The following ZNF528 variants were observed in gnomAD, a reference collection of about 807,000 sequenced individuals.
ZNF528 encodes the protein zinc finger protein 528.
ZNF528 carries 9 observed loss-of-function variants against 13.3 expected under a neutral mutation model. The ratio of observed to expected loss-of-function variants is 0.67; its 90% CI spans 0.41 to 1.18. ZNF528 has a LOEUF of 1.18. Ranked by LOEUF, ZNF528 falls within the 50% of genes most tolerant of loss-of-function variation. The probability of loss-of-function intolerance (pLI) is 0.01; values close to 1 mark genes in which losing one functional copy is unlikely to be tolerated. For synonymous variants in ZNF528, 264 were observed against 254.3 expected (o/e 1.04, Z -0.36); for missense variants, 858 against 745.4 (o/e 1.15, Z -1.76).
rs184579139 is a variant in ZNF528 at position 52,404,633 on chromosome 19, G to A, written c.16-1274G>A. Among the ~76,000 whole-genome samples the A allele has an allele frequency of 3.1e-4, 46 of 147,924 alleles. No individual in the cohort carries two copies. The East Asian group carries it at 8.8e-3, about 28-fold the overall frequency. ...TTGAGTCGGAGTGTCACTCTTGTCT[G>A]TTGCCCAGGCTGGAGTGCAGTGGCA... On this transcript the variant is annotated intron_variant, in intron 4 of 6. Transcript: ENST00000360465.
chr19:52,417,093 A>G lies in ZNF528; in HGVS notation c.*354A>G. 4.1e-6 allele frequency: 1 copy of G among 245,444 alleles called. No homozygotes were observed. The highest frequency in any genetic ancestry group is 6.7e-5 in the South Asian group (1 of 14,926). The allele number at this position is 245,444 out of a possible 1,614,324, so 15.2% of individuals were successfully genotyped here. A position where few individuals can be genotyped will look rare whatever the true frequency, so the allele number is the denominator to read the frequency against. ...ATGACCTGATGTATATCAAAGGTGC[A>G]ACGGCTTGTAAATGACCAGTTTTAT... On this transcript the variant is annotated 3_prime_UTR_variant, in exon 7 of 7. Coordinates refer to ENST00000360465, the MANE Select transcript of ZNF528 (RefSeq NM_032423.3).
At chr19:52,413,456 T>G (rs1881550764) in intron 6 of ZNF528, 1 of 152,230 alleles carries the variant, frequency 6.6e-6, no homozygotes, top group African/African-American at 2.4e-5. Context: ...ACTCCATCGT[T>G]AACTACACTC....
Position 52,398,510 on chromosome 19 carries a change from T to C in ZNF528, c.-246T>C. The C allele has an allele frequency of 1.1e-6, 1 of 926,394 alleles. No homozygotes were observed. Among genetic ancestry groups the C allele is most frequent in the Non-Finnish European group, 1.3e-6 (1 of 776,344 alleles). 57.4% of individuals were successfully genotyped at this position (926,394 alleles called of 1,614,324 possible). A position where few individuals can be genotyped will look rare whatever the true frequency, so the allele number is the denominator to read the frequency against. The stretch of plus-strand genomic sequence containing the variant: ...AAGTGGGCATCTTATTCCAATCCCC[T>C]CCCTGTGAATGTGTGGAGAAAAAGA... On this transcript the variant is annotated 5_prime_UTR_variant, in exon 2 of 7. Transcript: ENST00000360465.
intron 6 of ZNF528, among the ~76,000 whole-genome samples, chr19:52,407,962 C>T (rs2058879528): frequency 6.6e-6 from 1 of 151,866 alleles, no homozygotes; most frequent in African/African-American, 2.4e-5. Flanking sequence ...ATTAGCCCTT[C>T]CTTAGCCTGC....
At chr19:52,406,798 A>T (rs2058862308) in intron 6 of ZNF528, 155 bp downstream of exon 6, 1 of 1,022,932 alleles carries the variant, frequency 9.8e-7, no homozygotes, top group Admixed American at 3.2e-5. Context: ...CGCTCTTCCA[A>T]AGTGTTGGGA....
rs780089488 is a variant in ZNF528, at chr19:52,415,724, A to T, written c.872A>T (p.His291Leu). 5 of 1,614,190 alleles carry T rather than the reference A, an allele frequency of 3.1e-6. No individual in the cohort carries two copies. The highest frequency in any genetic ancestry group is 1.6e-4 in the Middle Eastern group (1 of 6,062). ...SSKLAQHQRI[H>L]TGEKPYKCHE... is the part of the protein sequence containing the mutation. The stretch of plus-strand genomic sequence containing the variant: ...AAGCTTGCACAACATCAAAGAATTC[A>T]TACTGGAGAGAAGCCTTACAAATGT... Residue 291 changes from histidine (H) to leucine (L), a missense_variant, in exon 7 of 7, where the codon CAT becomes CTT. Physicochemically the swap from His to Leu is moderately conservative, Grantham distance 99. Transcript: ENST00000360465.
Position 52,418,048 on chromosome 19 carries a change from G to C in ZNF528, c.*1309G>C, listed in dbSNP as rs918543776. On this transcript the variant is annotated 3_prime_UTR_variant, in exon 7 of 7. Transcript: ENST00000360465. ...CACCCAGGCTGTAGTGCGGTGGCGCGATCTCGGCTCACTGCAACCTCCGCC... is the reference window on the plus strand; with the variant it reads ...CACCCAGGCTGTAGTGCGGTGGCGCCATCTCGGCTCACTGCAACCTCCGCC... The C allele has an allele frequency of 2.0e-5, 3 of 152,140 alleles. No homozygotes were observed. Among genetic ancestry groups the C allele is most frequent in the Non-Finnish European group, 4.4e-5 (3 of 68,222 alleles). 9.4% of individuals were successfully genotyped at this position (152,140 alleles called of 1,614,324 possible).
chr19:52,399,784 C>T (rs1006699126), intron 2 of ZNF528, among the ~76,000 whole-genome samples: 3 of 152,128 alleles, frequency 2.0e-5, no homozygotes, highest in African/African-American at 7.2e-5. Context: ...AATGCCTCAT[C>T]TCTGGTCACC....
intron 4 of ZNF528, among the ~76,000 whole-genome samples, chr19:52,404,995 A>T (rs1185161739): frequency 6.6e-6 from 1 of 151,818 alleles, no homozygotes; most frequent in Non-Finnish European, 1.5e-5. Context: ...AGGCAGGTGG[A>T]TCAGGAGGTC....
chr19:52,398,753 C>A, intron 2 of ZNF528, 134 bp downstream of exon 2: 1 of 348,930 alleles, frequency 2.9e-6, no homozygotes, highest in Non-Finnish European at 4.1e-6. Context: ...GAAGGCTTCT[C>A]AGACAGAGGG....
chr19:52,403,314 A>C (rs1452551987), intron 4 of ZNF528, among the ~76,000 whole-genome samples: 2 of 152,152 alleles, frequency 1.3e-5, no homozygotes, highest in African/African-American at 2.4e-5. Context: ...TGGACAATGT[A>C]TTGAGACCCT....
At chr19:52,400,128 C>T (rs2058774004) in intron 2 of ZNF528, among the ~76,000 whole-genome samples, 1 of 151,970 alleles carries the variant, frequency 6.6e-6, no homozygotes, top group Non-Finnish European at 1.5e-5. Flanking sequence ...CATTCACTCT[C>T]TCCTGATGCC....
At chr19:52,414,532 T>C (rs1198344915) in intron 6 of ZNF528, 1 of 550,754 alleles carries the variant, frequency 1.8e-6, no homozygotes, top group African/African-American at 1.9e-5. Flanking sequence ...CTGCATTCTT[T>C]GAACAATAGA....
rs771986421 is a variant in ZNF528, at chr19:52,415,596, G to T, written c.744G>T (p.Lys248Asn). 6.2e-7 allele frequency: 1 copy of T among 1,614,134 alleles called. No homozygotes were observed. Among genetic ancestry groups the T allele is most frequent in the Non-Finnish European group, 8.5e-7 (1 of 1,180,022 alleles). Residue 248 changes from lysine to asparagine, a missense_variant, in exon 7 of 7, where the codon AAG (lysine) becomes AAT (asparagine). By Grantham distance (94) the Lys-to-Asn change is moderately conservative (BLOSUM62 0). Transcript: ENST00000360465. ...CTTACAAATGTCATGAATGTGGCAAGCTCTTCAGTAGCAATTCAAACCTTT... is the reference window on the plus strand; with the variant it reads ...CTTACAAATGTCATGAATGTGGCAATCTCTTCAGTAGCAATTCAAACCTTT... Reference protein sequence around the residue: ...EKPYKCHECGKLFSSNSNLSQ... With the variant: ...EKPYKCHECGNLFSSNSNLSQ...
rs1470775438 is a variant in ZNF528, at chr19:52,402,017, G to T, written c.4G>T (p.Ala2Ser). 1 of 1,613,998 alleles carries T rather than the reference G, an allele frequency of 6.2e-7. No homozygotes were observed. Among genetic ancestry groups the T allele is most frequent in the Non-Finnish European group, 8.5e-7 (1 of 1,180,016 alleles). M[A>S]LTQGPLKFMD... ...GAGGAAAGAAAAGAAGTCAGGAATGGCCCTTACTCAGGTAAGGTAATGTTC... is the reference window on the plus strand; with the variant it reads ...GAGGAAAGAAAAGAAGTCAGGAATGTCCCTTACTCAGGTAAGGTAATGTTC... The change falls in exon 4 of 7, where the codon GCC becomes TCC. Residue 2 changes from alanine to serine, a missense_variant. By Grantham distance (99) the Ala-to-Ser change is moderately conservative (BLOSUM62 1). Transcript: ENST00000360465.
rs184308941 is a variant in ZNF528, at chr19:52,416,162, A to G, written c.1310A>G (p.Tyr437Cys). The G allele has an allele frequency of 6.8e-6, 11 of 1,614,100 alleles. No homozygotes were observed. In the Admixed American group the frequency reaches 1.8e-4, roughly 27 times the overall value. ...HRKTHTDEKP[Y>C]KCNKCGTAFR... is the part of the protein sequence containing the mutation. ...AAAACTCATACTGATGAGAAGCCTT[A>G]CAAATGTAATAAATGTGGCACAGCG... is the stretch of plus-strand genomic sequence containing the variant. The change falls in exon 7 of 7, where the codon TAC becomes TGC. Residue 437 changes from tyrosine to cysteine, a missense_variant. Transcript: ENST00000360465.
chr19:52,399,014 T>G (rs893348732), intron 2 of ZNF528, among the ~76,000 whole-genome samples: 2 of 151,742 alleles, frequency 1.3e-5, no homozygotes, highest in African/African-American at 4.8e-5. Context: ...AATGAAAGAT[T>G]GGGCAGAAAG....
chr19:52,408,904 C>A (rs1054623549), intron 6 of ZNF528, among the ~76,000 whole-genome samples: 4 of 152,158 alleles, frequency 2.6e-5, no homozygotes, highest in African/African-American at 9.7e-5. Context: ...ATTAAAGATA[C>A]CGTCCAGAGT....
Position 52,416,880 on chromosome 19 carries a change from A to G in ZNF528, c.*141A>G, listed in dbSNP as rs1296321415. The G allele has an allele frequency of 2.6e-6, 2 of 773,962 alleles. No individual in the cohort carries two copies. The highest frequency in any genetic ancestry group is 4.1e-6 in the Non-Finnish European group (2 of 491,676). The allele number at this position is 773,962 out of a possible 1,614,324, so 47.9% of individuals were successfully genotyped here. A position where few individuals can be genotyped will look rare whatever the true frequency, so the allele number is the denominator to read the frequency against. ...ATCAAGGCCTGCCAAATCACTGGACATCACCACATCACTGTGGAGGATGAA... is the reference window on the plus strand; with the variant it reads ...ATCAAGGCCTGCCAAATCACTGGACGTCACCACATCACTGTGGAGGATGAA... On this transcript the variant is annotated 3_prime_UTR_variant, in exon 7 of 7. Transcript: ENST00000360465.
Sources: allele counts gnomAD v4.1 joint callset (sites outside exome capture counted in the v4.1 genomes callset), GRCh38; gene constraint gnomAD v4.1.1; transcripts MANE v1.5; gene names NCBI Gene and HGNC (gene_info 2026-07-23, HGNC 2026-07-21).